The following SGCZ variants were observed in gnomAD, a reference collection of about 807,000 sequenced individuals.
SGCZ encodes the protein sarcoglycan zeta.
SGCZ carries 40 observed loss-of-function variants against 41.3 expected under a neutral mutation model. That is an observed-to-expected ratio of 0.97 (90% confidence interval 0.75 to 1.26). SGCZ has a LOEUF of 1.26. SGCZ is among the 50% of genes most tolerant of loss of function. The pLI, the probability that SGCZ is intolerant of heterozygous loss-of-function variation, is 0.00. For synonymous variants in SGCZ, 206 were observed against 137.5 expected, an observed-to-expected ratio of 1.50 and a Z score of -3.49; for missense variants, 552 against 369.8, an observed-to-expected ratio of 1.49 and a Z score of -4.04.
intron 1 of SGCZ, among the ~76,000 whole-genome samples, chr8:14,976,286 G>A (rs571789780): frequency 2.0e-5 from 3 of 152,050 alleles, no homozygotes; most frequent in East Asian, 1.9e-4. Context: ...GCCTCTCAAA[G>A]TGCTAGGATT....
At chr8:14,326,698 A>G (rs1466020655) in intron 2 of SGCZ, among the ~76,000 whole-genome samples, 6 of 152,234 alleles carry the variant, frequency 3.9e-5, no homozygotes, top group African/African-American at 1.4e-4. Context: ...AGTTATTCAG[A>G]TGAGAAAATA....
At chr8:14,528,046 A>G (rs1048486477) in intron 2 of SGCZ, among the ~76,000 whole-genome samples, 5 of 152,036 alleles carry the variant, frequency 3.3e-5, no homozygotes, top group Non-Finnish European at 5.9e-5. Flanking sequence ...GTCATCTCAT[A>G]TGTTGATCTA....
intron 2 of SGCZ, among the ~76,000 whole-genome samples, chr8:14,329,152 A>G (rs1802227585): frequency 6.6e-6 from 1 of 152,208 alleles, no homozygotes; most frequent in Non-Finnish European, 1.5e-5. Flanking sequence ...TATTGTTCAC[A>G]GACAGTATAG....
intron 1 of SGCZ, among the ~76,000 whole-genome samples, chr8:14,637,691 A>T (rs561945749): frequency 6.6e-6 from 1 of 151,996 alleles, no homozygotes; most frequent in African/African-American, 2.4e-5. Context: ...CATGGTGTAC[A>T]TATACCACAT....
intron 2 of SGCZ, among the ~76,000 whole-genome samples, chr8:14,342,340 G>T (rs984158410): frequency 1.3e-5 from 2 of 151,982 alleles, no homozygotes; most frequent in African/African-American, 4.8e-5. Context: ...TTTTTGAGGT[G>T]CAGTCTCACT....
At chr8:14,736,323 G>C (rs754796201) in intron 1 of SGCZ, among the ~76,000 whole-genome samples, 1 of 152,014 alleles carries the variant, frequency 6.6e-6, no homozygotes, top group Admixed American at 6.6e-5. Flanking sequence ...CCTTTAAATA[G>C]TCTGCAACAT....
chr8:14,440,263 G>A (rs975128780), intron 2 of SGCZ, among the ~76,000 whole-genome samples: 5 of 151,930 alleles, frequency 3.3e-5, no homozygotes, highest in African/African-American at 9.7e-5. Context: ...TTTGACTTGG[G>A]AAAAATTAAG....
At chr8:14,135,031 A>C (rs896687432) in intron 5 of SGCZ, among the ~76,000 whole-genome samples, 18 of 152,320 alleles carry the variant, frequency 1.2e-4, no homozygotes, top group Admixed American at 9.2e-4. Flanking sequence ...TAGTTAAAAC[A>C]GAGTGTATGG....
At chr8:14,851,497 A>G (rs2130654746) in intron 1 of SGCZ, among the ~76,000 whole-genome samples, 1 of 152,258 alleles carries the variant, frequency 6.6e-6, no homozygotes, top group African/African-American at 2.4e-5. Flanking sequence ...GCAATACAAC[A>G]GTACCTTTAC....
At chr8:14,765,784 G>T (rs756849881) in intron 1 of SGCZ, among the ~76,000 whole-genome samples, 1 of 152,080 alleles carries the variant, frequency 6.6e-6, no homozygotes, top group Non-Finnish European at 1.5e-5. Flanking sequence ...ATGCGTGTGC[G>T]CAGACACAGT....
chr8:14,599,058 G>C (rs1805503912), intron 1 of SGCZ, among the ~76,000 whole-genome samples: 1 of 152,006 alleles, frequency 6.6e-6, no homozygotes. Context: ...TGATATTGTG[G>C]TCTTCCCTAC....
intron 1 of SGCZ, among the ~76,000 whole-genome samples, chr8:15,160,924 G>C (rs954973130): frequency 6.6e-6 from 1 of 152,164 alleles, no homozygotes; most frequent in Non-Finnish European, 1.5e-5. Context: ...GCGTAATCTG[G>C]TGTGCAGCCA....
At chr8:14,575,014 A>G (rs942529173) in intron 1 of SGCZ, among the ~76,000 whole-genome samples, 2 of 152,218 alleles carry the variant, frequency 1.3e-5, no homozygotes, top group Admixed American at 6.5e-5. Flanking sequence ...ATTTACAGAA[A>G]ATAATTTTGT....
chr8:14,765,551 T>A (rs1214450811), intron 1 of SGCZ, among the ~76,000 whole-genome samples: 1 of 152,156 alleles, frequency 6.6e-6, no homozygotes, highest in African/African-American at 2.4e-5. Flanking sequence ...TCCCTCAGAA[T>A]GGATAGGCAG....
intron 1 of SGCZ, among the ~76,000 whole-genome samples, chr8:15,134,468 T>G (rs1484609730): frequency 6.6e-6 from 1 of 152,168 alleles, no homozygotes; most frequent in African/African-American, 2.4e-5. Context: ...ATTCCCTAAC[T>G]GAACAATGAG....
At chr8:14,676,011 G>T (rs116237139) in intron 1 of SGCZ, among the ~76,000 whole-genome samples, 1,930 of 152,232 alleles carry the variant, frequency 0.013, 37 homozygotes, top group African/African-American at 0.032. Flanking sequence ...TGTACTGTTA[G>T]GTGCACGTAT....
chr8:14,528,910 G>A (rs1484064476), intron 2 of SGCZ, among the ~76,000 whole-genome samples: 2 of 148,668 alleles, frequency 1.3e-5, no homozygotes, highest in East Asian at 2.0e-4. Context: ...TTCATATTTA[G>A]AAGGGATCTC....
At chr8:15,203,667 G>C (rs912642358) in intron 1 of SGCZ, among the ~76,000 whole-genome samples, 24 of 152,148 alleles carry the variant, frequency 1.6e-4, no homozygotes, top group African/African-American at 5.8e-4. Flanking sequence ...AGTGCAAATA[G>C]AAAGGAAAAT....
At chr8:14,693,688 A>G (rs926494335) in intron 1 of SGCZ, among the ~76,000 whole-genome samples, 44 of 143,428 alleles carry the variant, frequency 3.1e-4, no homozygotes, top group African/African-American at 1.0e-3. Context: ...CCTCCCGGGT[A>G]TAAGTGATTC....
Sources: gnomAD v4.1 joint callset for allele counts (sites outside exome capture counted in the v4.1 genomes callset) on GRCh38, gnomAD v4.1.1 for gene constraint, MANE v1.5 for transcripts, NCBI Gene and HGNC (gene_info 2026-07-23, HGNC 2026-07-21) for gene names.